The following DLG2 variants were observed in gnomAD, a reference collection of about 807,000 sequenced individuals.
The protein encoded by DLG2 is disks large homolog 2.
DLG2 carries 45 observed loss-of-function variants against 132.5 expected under a neutral mutation model. The ratio of observed to expected loss-of-function variants is 0.34; its 90% CI spans 0.27 to 0.44. The LOEUF (loss-of-function observed/expected upper bound fraction) is 0.44, where lower values mean the gene tolerates loss of function less well. DLG2 is among the 20% of genes least tolerant of loss of function. The probability of loss-of-function intolerance (pLI) is 1.00; values close to 1 mark genes in which losing one functional copy is unlikely to be tolerated. For synonymous variants in DLG2, 424 were observed against 419.6 expected (o/e 1.01, Z -0.13); for missense variants, 1,045 against 1,196.9 (o/e 0.87, Z 1.87).
At chr11:85,171,405 G>A (rs1407933154) in intron 4 of DLG2, among the ~76,000 whole-genome samples, 1 of 152,144 alleles carries the variant, frequency 6.6e-6, no homozygotes, top group African/African-American at 2.4e-5. Context: ...GCAAACTGTA[G>A]ATCAGGAGAT....
intron 7 of DLG2, among the ~76,000 whole-genome samples, chr11:84,486,152 T>C (rs751589830): frequency 3.3e-5 from 5 of 152,138 alleles, no homozygotes; most frequent in Non-Finnish European, 7.4e-5. Flanking sequence ...GATAGCCTCA[T>C]TGTCTTTGTC....
At chr11:84,973,537 G>A (rs1022747759) in intron 6 of DLG2, among the ~76,000 whole-genome samples, 1 of 152,108 alleles carries the variant, frequency 6.6e-6, no homozygotes, top group Non-Finnish European at 1.5e-5. Context: ...GGTAATCCGA[G>A]TTACAATTTA....
rs192472063 is a variant in DLG2, at chr11:83,605,893, A to C, written c.1940+27318T>G. On this transcript the variant is annotated intron_variant, in intron 19 of 27. Transcript: ENST00000376104. Reference sequence around the variant, plus strand: ...ATCAAGCCATGAAAGGTAGCAATAAAAACATTAGTATCTCATAATGCATAG... The same window carrying C: ...ATCAAGCCATGAAAGGTAGCAATAACAACATTAGTATCTCATAATGCATAG... 7.2e-5 allele frequency among the ~76,000 whole-genome samples: 11 copies of C among 152,362 alleles called. No homozygotes were observed. In the East Asian group the frequency reaches 1.9e-3, roughly 27 times the overall value.
At chr11:85,509,074 A>G (rs1203657083) in intron 3 of DLG2, among the ~76,000 whole-genome samples, 1 of 152,078 alleles carries the variant, frequency 6.6e-6, no homozygotes, top group African/African-American at 2.4e-5. Context: ...AGAAATATTT[A>G]CTACATATTA....
chr11:84,668,407 G>A (rs549423776), intron 6 of DLG2, among the ~76,000 whole-genome samples: 1 of 152,190 alleles, frequency 6.6e-6, no homozygotes, highest in South Asian at 2.1e-4. Flanking sequence ...ATGTATCTTT[G>A]AATTATCAAA....
intron 3 of DLG2, among the ~76,000 whole-genome samples, chr11:85,527,807 C>T (rs1056265258): frequency 6.6e-6 from 1 of 152,164 alleles, no homozygotes. Flanking sequence ...ATTTACACTC[C>T]CGCCAACAAT....
rs150815745 is a variant in DLG2 at position 83,823,117 on chromosome 11, A to G, written c.1722+10497T>C. Among the ~76,000 whole-genome samples the G allele has an allele frequency of 1.2e-3, 177 of 152,246 alleles. 3 individuals carry two copies. In the East Asian group the frequency reaches 0.028, roughly 24 times the overall value. The stretch of plus-strand genomic sequence containing the variant: ...ATCTAAGGGTTATTAGAGATTAGCT[A>G]ATAAAATAGGTTATTCTGAGGCCCA... On this transcript the variant is annotated intron_variant, in intron 17 of 27. Transcript: ENST00000376104.
intron 4 of DLG2, among the ~76,000 whole-genome samples, chr11:85,175,967 C>G (rs1313151136): frequency 1.3e-5 from 2 of 151,954 alleles, no homozygotes; most frequent in Admixed American, 6.6e-5. Context: ...TCAGAGAGGA[C>G]AAAAACAAAT....
rs777108401 is a variant in DLG2, at chr11:85,204,840, G to A, written c.187-50189C>T. ...TACTGGCATAAAAACAGACACACAGGCCAATGAAACAGAATAGAGAATCCA... is the reference window on the plus strand; with the variant it reads ...TACTGGCATAAAAACAGACACACAGACCAATGAAACAGAATAGAGAATCCA... On this transcript the variant is annotated intron_variant, in intron 4 of 27. Coordinates refer to ENST00000376104, the MANE Select transcript of DLG2 (RefSeq NM_001142699.3). Among the ~76,000 whole-genome samples, 196 of 151,970 alleles carry A rather than the reference G, an allele frequency of 1.3e-3. 1 individual carries two copies. Among genetic ancestry groups the A allele is most frequent in the Admixed American group, 1.9e-3 (29 of 15,246 alleles).
At chr11:85,434,446 AAG>A (rs985688146) in intron 3 of DLG2, among the ~76,000 whole-genome samples, 1 of 152,104 alleles carries the variant, frequency 6.6e-6, no homozygotes, top group African/African-American at 2.4e-5. Context: ...TAAAGAAGAA[AAG>A]AGAGAAGAAT....
intron 7 of DLG2, among the ~76,000 whole-genome samples, chr11:84,349,376 C>G (rs901767411): frequency 6.6e-6 from 1 of 152,116 alleles, no homozygotes; most frequent in African/African-American, 2.4e-5. Context: ...AGATGAAGTT[C>G]TGCAACTTTG....
intron 6 of DLG2, among the ~76,000 whole-genome samples, chr11:84,842,716 A>G (rs1260010760): frequency 6.6e-6 from 1 of 151,906 alleles, no homozygotes; most frequent in Non-Finnish European, 1.5e-5. Flanking sequence ...AGATTTTGCA[A>G]TGGAAGAGAA....
intron 6 of DLG2, among the ~76,000 whole-genome samples, chr11:84,554,007 G>A (rs1361307768): frequency 6.6e-6 from 1 of 152,190 alleles, no homozygotes; most frequent in Non-Finnish European, 1.5e-5. Context: ...ATAAAGAAGA[G>A]TTAGTGCACA....
chr11:85,055,836 G>C (rs2063396467), intron 6 of DLG2, among the ~76,000 whole-genome samples: 1 of 152,058 alleles, frequency 6.6e-6, no homozygotes, highest in Admixed American at 6.6e-5. Flanking sequence ...ACATCTAAGG[G>C]TTAAGGCAGA....
chr11:83,458,685 A>G lies in DLG2; in HGVS notation c.*1133T>C, dbSNP rs2089370600. The G allele has an allele frequency of 6.6e-6, 1 of 152,268 alleles. No individual in the cohort carries two copies. The highest frequency in any genetic ancestry group is 6.5e-5 in the Admixed American group (1 of 15,288). The allele number at this position is 152,268 out of a possible 1,614,324, so 9.4% of individuals were successfully genotyped here. On this transcript the variant is annotated 3_prime_UTR_variant, in exon 28 of 28. Transcript: ENST00000376104. ...AATTGTATGTCAGTAACTAGGAACA[A>G]AGTTATTCAACTATTTGCATGGCAG... is the stretch of plus-strand genomic sequence containing the variant.
intron 4 of DLG2, among the ~76,000 whole-genome samples, chr11:85,160,199 G>A (rs959893350): frequency 2.0e-5 from 3 of 152,146 alleles, no homozygotes; most frequent in Non-Finnish European, 4.4e-5. Context: ...CGTTACTCCC[G>A]CCCATTTATT....
chr11:84,126,694 A>G (rs566429379), intron 9 of DLG2, among the ~76,000 whole-genome samples: 1 of 152,344 alleles, frequency 6.6e-6, no homozygotes, highest in South Asian at 2.1e-4. Context: ...TTAAACAATA[A>G]AAAACAATTT....
At chr11:85,145,311 T>C (rs1187557643) in intron 5 of DLG2, among the ~76,000 whole-genome samples, 4 of 152,148 alleles carry the variant, frequency 2.6e-5, no homozygotes, top group African/African-American at 9.7e-5. Flanking sequence ...AGTAGTCTTA[T>C]GTGGATTAAA....
chr11:85,322,407 G>A (rs2081136323), intron 3 of DLG2, among the ~76,000 whole-genome samples: 1 of 152,020 alleles, frequency 6.6e-6, no homozygotes, highest in Non-Finnish European at 1.5e-5. Context: ...ACCTATACTA[G>A]CATCTTGGCT....
Sources: allele counts gnomAD v4.1 joint callset (sites outside exome capture counted in the v4.1 genomes callset), GRCh38; gene constraint gnomAD v4.1.1; transcripts MANE v1.5; gene names NCBI Gene and HGNC (gene_info 2026-07-23, HGNC 2026-07-21).